Variants in RNPEPL1 observed in about 807,000 individuals in gnomAD.
RNPEPL1 encodes the protein arginyl aminopeptidase like 1, also known as aminopeptidase RNPEPL1.
Under a neutral mutation model 69.0 loss-of-function variants are expected in RNPEPL1, and 46 were observed. The ratio of observed to expected loss-of-function variants is 0.67; its 90% confidence interval spans 0.53 to 0.85. The LOEUF is 0.85. Ranked by LOEUF, RNPEPL1 falls within the 40% of genes least tolerant of loss-of-function variation. The pLI is 0.00. For missense variants in RNPEPL1, 869 were observed against 992.5 expected (o/e 0.88, Z 1.67); for synonymous variants, 525 against 454.1 (o/e 1.16, Z -1.98).
rs151107712 is a variant in RNPEPL1, at chr2:240,572,621, C to T, written c.669+58C>T. The T allele has an allele frequency of 7.3e-4, 1,123 of 1,528,276 alleles. 5 individuals carry two copies. In the African/African-American group the frequency reaches 0.011, roughly 15 times the overall value. 94.7% of individuals were successfully genotyped at this position (1,528,276 alleles called of 1,614,324 possible). On this transcript the variant is annotated intron_variant, in intron 2 of 10. Coordinates refer to ENST00000270357, the MANE Select transcript of RNPEPL1 (RefSeq NM_018226.6). ...CCAGGACAGCCCAGTGGCCTGGCCA[C>T]GCCGCCTCCCCCTTGCTCCTACCTG...
intron 7 of RNPEPL1, 114 bp downstream of exon 7, chr2:240,575,256 A>C: frequency 1.1e-6 from 1 of 889,242 alleles, no homozygotes; most frequent in Non-Finnish European, 1.8e-6. Context: ...GGGGCCTGTG[A>C]GCCTGGCTGG....
chr2:240,576,803 G>A, intron 9 of RNPEPL1, 38 bp downstream of exon 9: 1 of 1,612,470 alleles, frequency 6.2e-7, no homozygotes, highest in Admixed American at 1.7e-5. Context: ...CCCAGGGGCT[G>A]GGGTGCAACA....
intron 8 of RNPEPL1, 143 bp from the exon 9 acceptor site, chr2:240,576,392 A>G: frequency 2.9e-6 from 2 of 699,242 alleles, no homozygotes; most frequent in East Asian, 2.7e-5. Flanking sequence ...GCTGGAGCTG[A>G]CTCCGCCTTC....
In RNPEPL1 at chr2:240,576,582, G is replaced by A. The variant is rs376225177; in HGVS notation, c.1558G>A (p.Glu520Lys). The A allele has an allele frequency of 3.1e-6, 5 of 1,612,854 alleles. No homozygotes were observed. Among genetic ancestry groups the A allele is most frequent in the Non-Finnish European group, 3.4e-6 (4 of 1,180,002 alleles). The change falls in exon 9 of 11, where the codon GAG becomes AAG. Residue 520 changes from glutamate to lysine, a missense_variant. By Grantham distance (56) the Glu-to-Lys change is moderately conservative (BLOSUM62 1). Coordinates refer to ENST00000270357, the MANE Select transcript of RNPEPL1 (RefSeq NM_018226.6). Reference sequence around the variant, plus strand: ...CAATGCCACAGGCCCGCCGCTGGCTGAGCCGGACCTGTCTCAGGGATCCAG... The same window carrying A: ...CAATGCCACAGGCCCGCCGCTGGCTAAGCCGGACCTGTCTCAGGGATCCAG... ...WLNATGPPLA[E>K]PDLSQGSSLT...
At chr2:240,572,354 G>C in intron 1 of RNPEPL1, 69 bp from the exon 2 acceptor site, 1 of 1,504,190 alleles carries the variant, frequency 6.6e-7, no homozygotes, top group South Asian at 1.2e-5. Flanking sequence ...CTCTCAGGCT[G>C]CTGCCCAGTG....
At chr2:240,577,520 C>T (rs1460651580) in intron 10 of RNPEPL1, 79 bp from the exon 11 acceptor site, 12 of 1,464,524 alleles carry the variant, frequency 8.2e-6, no homozygotes, top group Middle Eastern at 2.2e-4. Context: ...GCAGGAGGGC[C>T]GCCTGGCCGG....
At chr2:240,576,405 G>A in intron 8 of RNPEPL1, 130 bp from the exon 9 acceptor site, 2 of 821,960 alleles carry the variant, frequency 2.4e-6, no homozygotes, top group South Asian at 3.6e-5. Context: ...CCGCCTTCCT[G>A]AACAGCCCAC....
chr2:240,573,981 ATCTCC>A, intron 4 of RNPEPL1, 90 bp downstream of exon 4: 2 of 1,395,888 alleles, frequency 1.4e-6, no homozygotes, highest in Non-Finnish European at 2.0e-6. Context: ...TCCTGTCCCC[ATCTCC>A]TGGGGAGGAA....
At chr2:240,575,321 C>T in intron 7 of RNPEPL1, 179 bp downstream of exon 7, 6 of 731,526 alleles carry the variant, frequency 8.2e-6, no homozygotes, top group Admixed American at 2.4e-5. Flanking sequence ...TCCCCTTCTG[C>T]CACCCTGTTT....
At chr2:240,575,477 C>CTG (rs1181607915) in intron 7 of RNPEPL1, 25 bp from the exon 8 acceptor site, 1 of 1,598,656 alleles carries the variant, frequency 6.3e-7, no homozygotes, top group African/African-American at 1.3e-5. Context: ...TCCAGGCCTG[C>CTG]TGAGGCCCCA....
At chr2:240,569,545 C>T (rs1559414666) in intron 1 of RNPEPL1, among the ~76,000 whole-genome samples, 2 of 152,312 alleles carry the variant, frequency 1.3e-5, no homozygotes, top group East Asian at 3.9e-4. Context: ...GCTTCCTTGG[C>T]CAGCACTGGT....
At chr2:240,577,057 ACT>A in intron 10 of RNPEPL1, 67 bp downstream of exon 10, 6 of 1,589,772 alleles carry the variant, frequency 3.8e-6, no homozygotes, top group Non-Finnish European at 4.3e-6. Context: ...GTCCCACCCG[ACT>A]CCCTAGTCTG....
intron 1 of RNPEPL1, 136 bp from the exon 2 acceptor site, chr2:240,572,287 G>A: frequency 1.9e-6 from 2 of 1,027,398 alleles, no homozygotes; most frequent in Non-Finnish European, 2.8e-6. Flanking sequence ...GTGGCTATTG[G>A]CCCTCGAACC....
At chr2:240,575,881 A>T in intron 8 of RNPEPL1, 1 of 505,434 alleles carries the variant, frequency 2.0e-6, no homozygotes. Context: ...AGGTGTGCAA[A>T]GGGCCTGGTG....
chr2:240,576,620 C>A lies in RNPEPL1; in HGVS notation c.1596C>A (p.Pro532=). The A allele has an allele frequency of 6.2e-7, 1 of 1,613,062 alleles. No homozygotes were observed. The change falls in exon 9 of 11, where the codon CCC becomes CCA. Residue 532 remains proline (P), a synonymous_variant. Coordinates refer to ENST00000270357, the MANE Select transcript of RNPEPL1 (RefSeq NM_018226.6). ...CTCAGGGATCCAGCCTGACCCGGCC[C>A]GTGGAGGCCCTTTTCCAGCTGTGGA... ...DLSQGSSLTR[P]VEALFQLWTA...
chr2:240,574,979 CG>C, intron 6 of RNPEPL1, 50 bp from the exon 7 acceptor site: 3 of 1,384,858 alleles, frequency 2.2e-6, no homozygotes, highest in Non-Finnish European at 3.1e-6. Context: ...CCCTATTCCA[CG>C]GGACACTGGT....
At position 240,575,127 on chromosome 2, in the gene RNPEPL1, T is replaced by C. The variant is rs1400221827; in HGVS notation, c.1386T>C (p.Phe462=). 2 of 1,613,308 alleles carry C rather than the reference T, an allele frequency of 1.2e-6. No individual in the cohort carries two copies. The highest frequency in any genetic ancestry group is 2.2e-5 in the East Asian group (1 of 44,886). The change falls in exon 7 of 11, where the codon TTT becomes TTC. Residue 462 remains phenylalanine, a synonymous_variant. Coordinates refer to ENST00000270357, the MANE Select transcript of RNPEPL1 (RefSeq NM_018226.6). ...LSQLCGDPQR[F]DDFLRAYVEK... ...AGCTCTGCGGAGACCCACAGCGCTT[T>C]GATGACTTTCTCCGAGTGAGCAGCC...
rs766176594 is a variant in RNPEPL1 at position 240,574,610 on chromosome 2, C to T, written c.1270C>T (p.Gln424Ter). 6.2e-7 allele frequency: 1 copy of T among 1,612,746 alleles called. No individual in the cohort carries two copies. The highest frequency in any genetic ancestry group is 1.1e-5 in the South Asian group (1 of 90,954). ...LGEDSPVSKL[Q>*]VKLEPGVNPS... ...AGAGGACAGCCCGGTCAGCAAACTG[C>T]AGGTCAAGCTGGAGCCAGGTACCTG... The change falls in exon 6 of 11, where the codon CAG (glutamine) becomes TAG (stop). Residue 424 changes from glutamine (Q) to a stop codon, truncating the protein, a stop_gained. Transcript: ENST00000270357. LOFTEE classifies it high-confidence loss of function.
chr2:240,569,561 G>A (rs1024390293), intron 1 of RNPEPL1, among the ~76,000 whole-genome samples: 11 of 152,216 alleles, frequency 7.2e-5, no homozygotes, highest in African/African-American at 2.7e-4. Flanking sequence ...CTGGTGGAGT[G>A]TTGAGACCAG....
Sources: gnomAD v4.1 joint callset for allele counts (sites outside exome capture counted in the v4.1 genomes callset) on GRCh38, gnomAD v4.1.1 for gene constraint, MANE v1.5 for transcripts, NCBI Gene and HGNC (gene_info 2026-07-23, HGNC 2026-07-21) for gene names.